The following DCC variants were observed in gnomAD, a reference collection of about 807,000 sequenced individuals.
DCC encodes DCC netrin 1 receptor.
DCC carries 58 observed loss-of-function variants against 172.5 expected under a neutral mutation model. That is an observed-to-expected ratio of 0.34 (90% confidence interval 0.27 to 0.42). The LOEUF (loss-of-function observed/expected upper bound fraction) is 0.42, where lower values mean the gene tolerates loss of function less well. DCC is among the 10% of genes least tolerant of loss of function. The probability of loss-of-function intolerance (pLI) is 1.00; values close to 1 mark genes in which losing one functional copy is unlikely to be tolerated. For missense variants in DCC, 1,740 were observed against 1,791.0 expected, an observed-to-expected ratio of 0.97 and a Z score of 0.51; for synonymous variants, 709 against 644.5, an observed-to-expected ratio of 1.10 and a Z score of -1.52.
chr18:52,698,602 T>C (rs72914255), intron 1 of DCC, among the ~76,000 whole-genome samples: 22,085 of 150,914 alleles, frequency 0.15, 1,913 homozygotes, highest in Admixed American at 0.25. Context: ...ATGAGAGTCT[T>C]TTTTTTTTGA....
At chr18:52,363,233 G>A (rs1331172865) in intron 1 of DCC, among the ~76,000 whole-genome samples, 1 of 152,178 alleles carries the variant, frequency 6.6e-6, no homozygotes, top group Non-Finnish European at 1.5e-5. Flanking sequence ...AGGAGACTCA[G>A]CTCATCAAGA....
At chr18:52,837,277 C>T (rs1269017992) in intron 2 of DCC, among the ~76,000 whole-genome samples, 1 of 152,212 alleles carries the variant, frequency 6.6e-6, no homozygotes, top group African/African-American at 2.4e-5. Context: ...CATTCAGCTC[C>T]TTGTTACTTA....
chr18:52,589,011 T>A (rs548623294), intron 1 of DCC, among the ~76,000 whole-genome samples: 1 of 152,332 alleles, frequency 6.6e-6, no homozygotes, highest in East Asian at 1.9e-4. Context: ...ACTGCATTTG[T>A]ATTTTGAATT....
intron 7 of DCC, among the ~76,000 whole-genome samples, chr18:53,090,698 CAAAAAAAAAA>C (rs59898050): frequency 0.011 from 441 of 39,320 alleles, no homozygotes; most frequent in African/African-American, 0.022. Context: ...CGTCCCCCAA[CAAAAAAAAAA>C]AAAAAAAAAA....
At chr18:52,688,684 A>G (rs2035881333) in intron 1 of DCC, among the ~76,000 whole-genome samples, 1 of 152,088 alleles carries the variant, frequency 6.6e-6, no homozygotes, top group South Asian at 2.1e-4. Flanking sequence ...GAAATGATGG[A>G]GATCTTCATT....
At chr18:52,821,619 AT>A (rs151111854) in intron 2 of DCC, among the ~76,000 whole-genome samples, 169 of 152,326 alleles carry the variant, frequency 1.1e-3, no homozygotes, top group African/African-American at 4.0e-3. Flanking sequence ...AGTGACCTGC[AT>A]CTTGGGAAAT....
chr18:53,404,285 A>T (rs1909512530), intron 19 of DCC, among the ~76,000 whole-genome samples: 1 of 152,204 alleles, frequency 6.6e-6, no homozygotes, highest in Admixed American at 6.5e-5. Context: ...AGGAAAAATA[A>T]GTCATATTCT....
chr18:53,024,360 T>C (rs1030084873), intron 5 of DCC, among the ~76,000 whole-genome samples: 1 of 152,154 alleles, frequency 6.6e-6, no homozygotes, highest in African/African-American at 2.4e-5. Flanking sequence ...CTAAGGACTT[T>C]TGTTTGCCTC....
intron 26 of DCC, among the ~76,000 whole-genome samples, chr18:53,497,589 T>C (rs2046039998): frequency 6.6e-6 from 1 of 152,198 alleles, no homozygotes; most frequent in Non-Finnish European, 1.5e-5. Context: ...CAAACCTGAG[T>C]AATTTTCATT....
At chr18:52,846,179 A>T (rs2145328968) in intron 2 of DCC, among the ~76,000 whole-genome samples, 1 of 152,322 alleles carries the variant, frequency 6.6e-6, no homozygotes, top group Non-Finnish European at 1.5e-5. Context: ...AAGTACCGTT[A>T]AATTTCTCCT....
intron 5 of DCC, among the ~76,000 whole-genome samples, chr18:52,942,417 G>GGTGT (rs1280043581): frequency 1.3e-5 from 2 of 151,986 alleles, no homozygotes; most frequent in African/African-American, 4.8e-5. Flanking sequence ...GACTGTTTTA[G>GGTGT]GTGTGTCTTT....
intron 5 of DCC, among the ~76,000 whole-genome samples, chr18:53,007,634 C>T (rs995008090): frequency 1.3e-5 from 2 of 151,972 alleles, no homozygotes; most frequent in African/African-American, 4.8e-5. Context: ...CACACACATA[C>T]ATATAAAATA....
intron 22 of DCC, among the ~76,000 whole-genome samples, chr18:53,442,813 A>T (rs1247993402): frequency 2.6e-5 from 4 of 152,244 alleles, no homozygotes; most frequent in Admixed American, 2.6e-4. Context: ...TATTGCTGAC[A>T]TGAAGAAAGT....
At chr18:53,063,542 A>T in intron 6 of DCC, 83 bp downstream of exon 6, 1 of 1,225,630 alleles carries the variant, frequency 8.2e-7, no homozygotes, top group Non-Finnish European at 1.2e-6. Flanking sequence ...CTTGAAAAAA[A>T]AAAAGGTTCC....
rs144427703 is a variant in DCC at position 52,940,031 on chromosome 18, C to T, written c.985+14661C>T. On this transcript the variant is annotated intron_variant, in intron 5 of 28. Coordinates refer to ENST00000442544, the MANE Select transcript of DCC (RefSeq NM_005215.4). ...AGAAATGAAAATTCACTGGCCTCAC[C>T]TCAGCCTGCTGAAACAGAACCTGTA... Among the ~76,000 whole-genome samples the T allele has an allele frequency of 4.8e-3, 728 of 152,306 alleles. 6 individuals carry two copies. Among genetic ancestry groups the T allele is most frequent in the African/African-American group, 0.017 (697 of 41,554 alleles).
At chr18:52,495,877 C>T (rs752335052) in intron 1 of DCC, among the ~76,000 whole-genome samples, 11 of 151,384 alleles carry the variant, frequency 7.3e-5, no homozygotes, top group African/African-American at 1.2e-4. Context: ...CCTGGCTGTC[C>T]GATGCAATCT....
At chr18:52,889,136 A>G (rs2039611772) in intron 2 of DCC, among the ~76,000 whole-genome samples, 1 of 152,104 alleles carries the variant, frequency 6.6e-6, no homozygotes, top group South Asian at 2.1e-4. Context: ...CCTCTAATAT[A>G]TAAGATATGG....
chr18:52,504,185 G>A (rs1195978709), intron 1 of DCC, among the ~76,000 whole-genome samples: 2 of 152,132 alleles, frequency 1.3e-5, no homozygotes, highest in African/African-American at 2.4e-5. Flanking sequence ...CCTGGATCAT[G>A]TATTCTCTTA....
At chr18:52,459,523 A>G (rs1001879868) in intron 1 of DCC, among the ~76,000 whole-genome samples, 5 of 151,202 alleles carry the variant, frequency 3.3e-5, no homozygotes, top group Admixed American at 1.3e-4. Flanking sequence ...GCTGGAGTGC[A>G]GTGGCGCTAT....
Sources: gnomAD v4.1 joint callset for allele counts (sites outside exome capture counted in the v4.1 genomes callset) on GRCh38, gnomAD v4.1.1 for gene constraint, MANE v1.5 for transcripts, NCBI Gene and HGNC (gene_info 2026-07-23, HGNC 2026-07-21) for gene names.